Variants in GAL3ST1 observed in about 807,000 individuals in gnomAD.
GAL3ST1 encodes the protein galactose-3-O-sulfotransferase 1.
GAL3ST1 carries 13 observed loss-of-function variants against 25.0 expected under a neutral mutation model. The ratio of observed to expected loss-of-function variants is 0.52; its 90% CI spans 0.34 to 0.83. The LOEUF is 0.83. Ranked by LOEUF, GAL3ST1 falls within the 40% of genes least tolerant of loss-of-function variation. The pLI, the probability that GAL3ST1 is intolerant of heterozygous loss-of-function variation, is 0.02. For synonymous variants in GAL3ST1, 274 were observed against 277.8 expected (o/e 0.99, Z 0.14); for missense variants, 474 against 613.6 (o/e 0.77, Z 2.40).
intron 1 of GAL3ST1, among the ~76,000 whole-genome samples, chr22:30,559,331 C>T (rs933525406): frequency 6.6e-6 from 1 of 152,054 alleles, no homozygotes; most frequent in Non-Finnish European, 1.5e-5. Flanking sequence ...ACCTTTGACT[C>T]CCCGGTTCAA....
intron 1 of GAL3ST1, among the ~76,000 whole-genome samples, chr22:30,567,117 C>T (rs1239377869): frequency 6.6e-6 from 1 of 151,262 alleles, no homozygotes; most frequent in East Asian, 1.9e-4. Flanking sequence ...CCATGGTGCC[C>T]AGCAAAAACT....
chr22:30,555,016 G>A lies in GAL3ST1; in HGVS notation c.1209C>T (p.Asp403=). The A allele has an allele frequency of 6.2e-7, 1 of 1,602,900 alleles. No individual in the cohort carries two copies. The highest frequency in any genetic ancestry group is 8.5e-7 in the Non-Finnish European group (1 of 1,172,000). The change falls in exon 4 of 4, where the codon GAC becomes GAT. Residue 403 remains aspartate, a synonymous_variant. Transcript: ENST00000406361. The surrounding 1 kb of genome is among the most constrained non-coding windows in gnomAD (Gnocchi z 8.6). Reference sequence around the variant, plus strand: ...TGGTGACCCACAGGTTGGCGCCGAGGTCCATCAGGTACTGGATCTCGGGCG... The same window carrying A: ...TGGTGACCCACAGGTTGGCGCCGAGATCCATCAGGTACTGGATCTCGGGCG... The part of the protein sequence containing the change: ...MLTPEIQYLM[D]LGANLWVTKL...
rs559992499 is a variant in GAL3ST1, at chr22:30,568,022, T to C, written c.-120+6444A>G. Reference sequence around the variant, plus strand: ...ATTGATCCATCCCACAGGTATTTACTGGGCACCTGCACTCCAGGACTAGAG... The same window carrying C: ...ATTGATCCATCCCACAGGTATTTACCGGGCACCTGCACTCCAGGACTAGAG... On this transcript the variant is annotated intron_variant, in intron 1 of 3. Coordinates refer to ENST00000406361, the MANE Select transcript of GAL3ST1 (RefSeq NM_001318104.2). Among the ~76,000 whole-genome samples, 3 of 152,312 alleles carry C rather than the reference T, an allele frequency of 2.0e-5. No homozygotes were observed. In the East Asian group the frequency reaches 5.8e-4, roughly 29 times the overall value.
chr22:30,562,596 G>A (rs921981552), intron 1 of GAL3ST1, among the ~76,000 whole-genome samples: 6 of 152,166 alleles, frequency 3.9e-5, no homozygotes, highest in Non-Finnish European at 7.4e-5. Flanking sequence ...TCCATGCCCC[G>A]CTGCAGGCAA....
intron 1 of GAL3ST1, chr22:30,566,167 G>C (rs557192019): frequency 6.6e-6 from 1 of 152,264 alleles, no homozygotes; most frequent in Non-Finnish European, 1.5e-5. Context: ...CTAGGTACTG[G>C]AACCAGGTTT....
intron 1 of GAL3ST1, among the ~76,000 whole-genome samples, chr22:30,571,007 C>T (rs1411100932): frequency 6.6e-6 from 1 of 151,988 alleles, no homozygotes; most frequent in East Asian, 1.9e-4. Context: ...CACACACACA[C>T]ACACACACTC....
chr22:30,557,130 C>T lies in GAL3ST1; in HGVS notation c.131+132G>A, dbSNP rs1344929603. 12 of 846,404 alleles carry T rather than the reference C, an allele frequency of 1.4e-5. No homozygotes were observed. In the Admixed American group the frequency reaches 3.0e-4, roughly 21 times the overall value. The allele number at this position is 846,404 out of a possible 1,614,324, so 52.4% of individuals were successfully genotyped here. A position where few individuals can be genotyped will look rare whatever the true frequency, so the allele number is the denominator to read the frequency against. On this transcript the variant is annotated intron_variant, in intron 3 of 3. Transcript: ENST00000406361. ...CCATCAGTGGAATTTCTGTCTGGCA[C>T]AGCATGGTGCAGGGTGCAGGGTGGC...
At chr22:30,566,951 T>TTTTTA (rs1555888293) in intron 1 of GAL3ST1, among the ~76,000 whole-genome samples, 5 of 151,652 alleles carry the variant, frequency 3.3e-5, no homozygotes, top group Admixed American at 6.6e-5. Context: ...CCCCAGGAAA[T>TTTTTA]TTTTATTTTA....
Position 30,555,581 on chromosome 22 carries a change from C to T in GAL3ST1, c.644G>A (p.Arg215Gln), listed in dbSNP as rs1354255119. The change falls in exon 4 of 4, where the codon CGA (arginine) becomes CAA (glutamine). Residue 215 changes from arginine (R) to glutamine (Q), a missense_variant. By Grantham distance (43) the Arg-to-Gln change is conservative. Coordinates refer to ENST00000406361, the MANE Select transcript of GAL3ST1 (RefSeq NM_001318104.2). The surrounding 1 kb of genome is among the most constrained non-coding windows in gnomAD (Gnocchi z 8.6). ...DPNGFNAHYLRNLLFFDLGYD... is the reference protein window; with the variant it reads ...DPNGFNAHYLQNLLFFDLGYD... The stretch of plus-strand genomic sequence containing the variant: ...GCCCAGGTCGAAGAAGAGCAGGTTT[C>T]GGAGGTAGTGGGCATTGAAGCCGTT... 1 of 1,613,482 alleles carries T rather than the reference C, an allele frequency of 6.2e-7. No individual in the cohort carries two copies. Among genetic ancestry groups the T allele is most frequent in the East Asian group, 2.2e-5 (1 of 44,878 alleles).
At chr22:30,569,155 C>G (rs996750890) in intron 1 of GAL3ST1, among the ~76,000 whole-genome samples, 1 of 150,278 alleles carries the variant, frequency 6.7e-6, no homozygotes. Context: ...ATCCTGTGGG[C>G]TGTAGGGACA....
At chr22:30,566,876 T>G (rs1307206700) in intron 1 of GAL3ST1, among the ~76,000 whole-genome samples, 2 of 152,230 alleles carry the variant, frequency 1.3e-5, no homozygotes, top group Admixed American at 1.3e-4. Context: ...CCCAAAGTGC[T>G]GGGATTACAG....
intron 1 of GAL3ST1, among the ~76,000 whole-genome samples, chr22:30,569,247 T>TG (rs1285331594): frequency 4.0e-5 from 6 of 151,482 alleles, no homozygotes; most frequent in Non-Finnish European, 8.8e-5. Flanking sequence ...ACTGTAGGGA[T>TG]GGGGAAGGAG....
chr22:30,571,394 C>T (rs573287212), intron 1 of GAL3ST1, among the ~76,000 whole-genome samples: 230 of 152,330 alleles, frequency 1.5e-3, no homozygotes, highest in African/African-American at 5.3e-3. Flanking sequence ...TCCCAACTCG[C>T]TGGCTCAGAG....
At chr22:30,559,310 G>A (rs1204007080) in intron 1 of GAL3ST1, among the ~76,000 whole-genome samples, 1 of 151,896 alleles carries the variant, frequency 6.6e-6, no homozygotes, top group African/African-American at 2.4e-5. Context: ...GCGCAATCTC[G>A]GCTCCCTGCA....
intron 1 of GAL3ST1, among the ~76,000 whole-genome samples, chr22:30,561,421 G>A (rs2086403096): frequency 6.6e-6 from 1 of 152,184 alleles, no homozygotes; most frequent in African/African-American, 2.4e-5. Flanking sequence ...CAACCACTCA[G>A]TGGATACCAC....
intron 1 of GAL3ST1, among the ~76,000 whole-genome samples, chr22:30,566,722 G>A (rs1288553490): frequency 6.6e-6 from 1 of 151,880 alleles, no homozygotes; most frequent in Non-Finnish European, 1.5e-5. Context: ...TTATTCTCCT[G>A]CCTCAGCCTC....
chr22:30,569,075 C>CAA (rs66507126), intron 1 of GAL3ST1, among the ~76,000 whole-genome samples: 30 of 86,120 alleles, frequency 3.5e-4, no homozygotes, highest in East Asian at 1.2e-3. Flanking sequence ...GACTCCATCT[C>CAA]AAAAAAAAAA....
At chr22:30,563,500 C>T (rs530062877) in intron 1 of GAL3ST1, among the ~76,000 whole-genome samples, 1 of 152,286 alleles carries the variant, frequency 6.6e-6, no homozygotes, top group East Asian at 1.9e-4. Flanking sequence ...CCTGTAGTCC[C>T]AGCTACTGGG....
At position 30,554,960 on chromosome 22, in the gene GAL3ST1, C is replaced by G; in HGVS notation, c.1265G>C (p.Arg422Pro). The G allele has an allele frequency of 6.4e-7, 1 of 1,571,046 alleles. No individual in the cohort carries two copies. The highest frequency in any genetic ancestry group is 1.2e-5 in the South Asian group (1 of 86,088). Residue 422 changes from arginine to proline, a missense_variant, in exon 4 of 4, where the codon CGG becomes CCG. Arg to Pro is a moderately radical substitution (Grantham distance 103). Around this residue, in one of 2 missense-constraint regions of GAL3ST1, gnomAD observed 359 missense variants for 504.4 expected, o/e 0.71. Coordinates refer to ENST00000406361, the MANE Select transcript of GAL3ST1 (RefSeq NM_001318104.2). ...CCGCTGGGCGGTGGGACGTCACCAC[C>G]GCAGGAAATCGCGAATGAACTTCCA... ...KLWKFIRDFL[R>P]W
Sources: gnomAD v4.1 joint callset for allele counts (sites outside exome capture counted in the v4.1 genomes callset) on GRCh38, gnomAD v4.1.1 for gene constraint, gnomAD v4.1.1 regional missense constraint, Gnocchi (gnomAD v3.1) non-coding constraint, MANE v1.5 for transcripts, NCBI Gene and HGNC (gene_info 2026-07-23, HGNC 2026-07-21) for gene names.